Variants in SOS1 observed in about 807,000 individuals in gnomAD.
SOS1 encodes the protein son of sevenless homolog 1.
A neutral mutation model predicts 157.6 loss-of-function variants in SOS1; 25 were observed. That is an observed-to-expected ratio of 0.16 (90% confidence interval 0.12 to 0.22). The LOEUF is 0.22. Ranked by LOEUF, SOS1 falls within the 10% of genes least tolerant of loss-of-function variation. SOS1 has a pLI of 1.00. For missense variants in SOS1, 1,237 were observed against 1,599.1 expected, an observed-to-expected ratio of 0.77 and a Z score of 3.86; for synonymous variants, 528 against 534.0, an observed-to-expected ratio of 0.99 and a Z score of 0.16.
intron 6 of SOS1, among the ~76,000 whole-genome samples, chr2:39,048,935 CTT>C: frequency 6.6e-6 from 1 of 152,092 alleles, no homozygotes; most frequent in East Asian, 1.9e-4. Context: ...CCTTATTACT[CTT>C]TTTTGAGATG....
intron 1 of SOS1, among the ~76,000 whole-genome samples, chr2:39,119,766 A>C (rs1053795287): frequency 2.0e-5 from 3 of 151,908 alleles, no homozygotes; most frequent in East Asian, 3.9e-4. Flanking sequence ...ACAAAACAAA[A>C]CCCCCCTGAA....
At chr2:39,042,067 G>GT (rs1417062803) in intron 6 of SOS1, among the ~76,000 whole-genome samples, 1 of 151,866 alleles carries the variant, frequency 6.6e-6, no homozygotes, top group Non-Finnish European at 1.5e-5. Context: ...ATTCTGTTCT[G>GT]CTACCTAATT....
Position 39,090,958 on chromosome 2 carries a change from T to A in SOS1, c.88-23205A>T, listed in dbSNP as rs141748176. Among the ~76,000 whole-genome samples the A allele has an allele frequency of 4.3e-3, 653 of 152,208 alleles. 5 individuals carry two copies. The highest frequency in any genetic ancestry group is 0.015 in the African/African-American group (622 of 41,546). Reference sequence around the variant, plus strand: ...ATTTTGGCTCACTGCAACCTCAACCTCCTGGGTTCAAGCGATTCTCCTGTT... The same window carrying A: ...ATTTTGGCTCACTGCAACCTCAACCACCTGGGTTCAAGCGATTCTCCTGTT... On this transcript the variant is annotated intron_variant, in intron 1 of 22. Transcript: ENST00000402219.
chr2:39,120,145 C>G (rs1306940630), intron 1 of SOS1, among the ~76,000 whole-genome samples, 191 bp downstream of exon 1: 2 of 152,138 alleles, frequency 1.3e-5, no homozygotes, highest in Admixed American at 1.3e-4. Flanking sequence ...GCGGCATTCC[C>G]ACACACCCGG....
At chr2:39,120,186 AGGG>A (rs1673814550) in intron 1 of SOS1, 147 bp downstream of exon 1, 5 of 611,204 alleles carry the variant, frequency 8.2e-6, no homozygotes, top group Non-Finnish European at 1.3e-5. Flanking sequence ...CAGCCGTATG[AGGG>A]GGGCCTCTCC....
At chr2:39,014,406 A>G (rs1466398632) in intron 11 of SOS1, among the ~76,000 whole-genome samples, 1 of 151,986 alleles carries the variant, frequency 6.6e-6, no homozygotes, top group Non-Finnish European at 1.5e-5. Flanking sequence ...CCATCACAGT[A>G]TTTGTTCACT....
intron 6 of SOS1, among the ~76,000 whole-genome samples, chr2:39,047,045 T>G (rs1181788606): frequency 6.6e-6 from 1 of 152,178 alleles, no homozygotes; most frequent in Non-Finnish European, 1.5e-5. Context: ...ATGTATACAA[T>G]GCATTTCTGT....
intron 1 of SOS1, among the ~76,000 whole-genome samples, chr2:39,109,141 G>GT (rs1464045421): frequency 6.6e-6 from 1 of 152,202 alleles, no homozygotes; most frequent in African/African-American, 2.4e-5. Flanking sequence ...TGGGGCTGCA[G>GT]TAAGCCATGA....
chr2:39,006,955 AGAT>A, intron 16 of SOS1, 73 bp downstream of exon 16: 1 of 945,794 alleles, frequency 1.1e-6, no homozygotes, highest in Non-Finnish European at 1.7e-6. Flanking sequence ...TAAAAATTAA[AGAT>A]AATAATTGTT....
rs1290123786 is a variant in SOS1, at chr2:38,984,743, A to G, written c.*1081T>C. 1 of 152,228 alleles carries G rather than the reference A, an allele frequency of 6.6e-6. No homozygotes were observed. Among genetic ancestry groups the G allele is most frequent in the East Asian group, 1.9e-4 (1 of 5,206 alleles). 9.4% of individuals were successfully genotyped at this position (152,228 alleles called of 1,614,324 possible). A position where few individuals can be genotyped will look rare whatever the true frequency, so the allele number is the denominator to read the frequency against. ...TATGCCAGCCAAACAAAGTATTTGT[A>G]TCTTTATTCAATTAAATTAAAACAG... On this transcript the variant is annotated 3_prime_UTR_variant, in exon 23 of 23. Transcript: ENST00000402219.
chr2:39,077,573 T>G (rs1672052900), intron 1 of SOS1, among the ~76,000 whole-genome samples: 1 of 152,058 alleles, frequency 6.6e-6, no homozygotes, highest in Non-Finnish European at 1.5e-5. Flanking sequence ...AAAAAACTAT[T>G]TTTCCTGCCA....
intron 1 of SOS1, among the ~76,000 whole-genome samples, chr2:39,082,205 C>T (rs556458844): frequency 6.6e-6 from 1 of 152,240 alleles, no homozygotes; most frequent in East Asian, 1.9e-4. Flanking sequence ...CAAAACTTGC[C>T]TGTTCAATCT....
chr2:39,002,712 T>C (rs1024080519), intron 17 of SOS1, among the ~76,000 whole-genome samples: 1 of 152,072 alleles, frequency 6.6e-6, no homozygotes, highest in African/African-American at 2.4e-5. Context: ...CAAAAACATA[T>C]AGGCTTTAAT....
intron 10 of SOS1, among the ~76,000 whole-genome samples, chr2:39,017,897 G>A (rs1229045070): frequency 1.3e-5 from 2 of 151,848 alleles, no homozygotes; most frequent in East Asian, 1.9e-4. Context: ...CACTGGAGAC[G>A]TTTATCTTAC....
intron 1 of SOS1, among the ~76,000 whole-genome samples, chr2:39,100,643 T>G (rs1457506790): frequency 1.3e-5 from 2 of 152,146 alleles, no homozygotes. Context: ...AGGCCAGGCG[T>G]GGTGACTCAT....
intron 1 of SOS1, among the ~76,000 whole-genome samples, chr2:39,119,140 T>A (rs751569601): frequency 6.6e-6 from 1 of 151,834 alleles, no homozygotes; most frequent in African/African-American, 2.4e-5. Context: ...AAGTAAGGAG[T>A]GAGAGCCTGA....
In SOS1 at chr2:39,067,642, C is replaced by G; in HGVS notation, c.199G>C (p.Ala67Pro). 1.9e-6 allele frequency: 3 copies of G among 1,613,430 alleles called. No individual in the cohort carries two copies. Among genetic ancestry groups the G allele is most frequent in the Non-Finnish European group, 2.5e-6 (3 of 1,179,414 alleles). Reference sequence around the variant, plus strand: ...ATTTGTCATACCTCTACATCTGAAGCACTTCGGGGCTGAGCTTGGCATAGC... The same window carrying G: ...ATTTGTCATACCTCTACATCTGAAGGACTTCGGGGCTGAGCTTGGCATAGC... ...NMLCQAQPRS[A>P]SDVEERVQKS... Residue 67 changes from alanine (A) to proline (P), a missense_variant, in exon 2 of 23, where the codon GCT becomes CCT. Physicochemically the swap from Ala to Pro is conservative, Grantham distance 27. Around this residue, in one of 15 missense-constraint regions of SOS1, gnomAD observed 99 missense variants for 81.6 expected, o/e 1.21. Transcript: ENST00000402219.
intron 1 of SOS1, among the ~76,000 whole-genome samples, chr2:39,069,317 C>CTGCA (rs1671713169): frequency 6.7e-6 from 1 of 150,268 alleles, no homozygotes; most frequent in Non-Finnish European, 1.5e-5. Context: ...GATGCCAGGG[C>CTGCA]TGCAGTGAGC....
intron 1 of SOS1, among the ~76,000 whole-genome samples, chr2:39,090,889 AAC>A (rs1160736868): frequency 6.6e-6 from 1 of 152,024 alleles, no homozygotes; most frequent in Non-Finnish European, 1.5e-5. Flanking sequence ...TGTTTTTTGA[AAC>A]AGAGTCTCAT....
Sources: gnomAD v4.1 joint callset for allele counts (sites outside exome capture counted in the v4.1 genomes callset) on GRCh38, gnomAD v4.1.1 for gene constraint, gnomAD v4.1.1 regional missense constraint, MANE v1.5 for transcripts, NCBI Gene and HGNC (gene_info 2026-07-23, HGNC 2026-07-21) for gene names.